Variants in GAA observed in about 807,000 individuals in gnomAD.
The protein encoded by GAA is alpha glucosidase, also known as lysosomal alpha-glucosidase.
In GAA, 88 loss-of-function variants were observed where a neutral mutation model predicts 103.9. The observed-to-expected ratio is 0.85, with a 90% CI of 0.71 to 1.01. The LOEUF (loss-of-function observed/expected upper bound fraction) is 1.01. Among genes scored for constraint, GAA ranks in the 50% least tolerant of loss-of-function variants. The pLI is 0.00. For synonymous variants in GAA, 572 were observed against 563.1 expected, an observed-to-expected ratio of 1.02 and a Z score of -0.22; for missense variants, 1,350 against 1,305.3, an observed-to-expected ratio of 1.03 and a Z score of -0.53.
rs200007324 is a variant in GAA at position 80,109,950 on chromosome 17, T to C, written c.1332T>C (p.Pro444=). Residue 444 remains proline, a synonymous_variant, in exon 9 of 20, where the codon CCT becomes CCC. Transcript: ENST00000302262. ...GGRRYMMIVD[P]AISSSGPAGS... ...ACAGGTTTCCCTCTTCCCAGGATCCTGCCATCAGCAGCTCGGGCCCTGCCG... is the reference window on the plus strand; with the variant it reads ...ACAGGTTTCCCTCTTCCCAGGATCCCGCCATCAGCAGCTCGGGCCCTGCCG... The C allele has an allele frequency of 3.8e-4, 619 of 1,613,036 alleles. 2 individuals are homozygous for C. In the East Asian group the frequency reaches 0.011, roughly 28 times the overall value.
chr17:80,118,158 G>A, intron 17 of GAA, 35 bp from the exon 18 acceptor site: 1 of 1,610,956 alleles, frequency 6.2e-7, no homozygotes, highest in Non-Finnish European at 8.5e-7. Flanking sequence ...CCACCAGGGT[G>A]GGGATGATGA....
intron 16 of GAA, 89 bp from the exon 17 acceptor site, chr17:80,117,511 G>C: frequency 6.7e-7 from 1 of 1,500,684 alleles, no homozygotes; most frequent in Non-Finnish European, 9.3e-7. Flanking sequence ...CCTCCACGTG[G>C]AGCCCCGGGA....
At position 80,105,869 on chromosome 17, in the gene GAA, C is replaced by A. The variant is rs886043961; in HGVS notation, c.667C>A (p.Arg223Ser). The change falls in exon 3 of 20, where the codon CGC becomes AGC. Residue 223 changes from arginine to serine, a missense_variant. Arg to Ser is a moderately radical substitution (Grantham distance 110, BLOSUM62 -1). Coordinates refer to ENST00000302262, the MANE Select transcript of GAA (RefSeq NM_000152.5). ...CGAGGAGCCCTTCGGGGTGATCGTG[C>A]GCCGGCAGCTGGACGGCCGCGTGCT... ...FSEEPFGVIV[R>S]RQLDGRVLLN... 1 of 1,603,674 alleles carries A rather than the reference C, an allele frequency of 6.2e-7. No homozygotes were observed. Among genetic ancestry groups the A allele is most frequent in the Non-Finnish European group, 8.5e-7 (1 of 1,177,604 alleles).
chr17:80,109,891 G>A, intron 8 of GAA, 54 bp from the exon 9 acceptor site: 2 of 1,358,582 alleles, frequency 1.5e-6, no homozygotes, highest in South Asian at 2.4e-5. Context: ...TTTCCCCGTG[G>A]CTGGCGCCAG....
At chr17:80,108,457 C>T (rs1208926414) in intron 6 of GAA, 32 bp from the exon 7 acceptor site, 2 of 1,613,196 alleles carry the variant, frequency 1.2e-6, no homozygotes, top group African/African-American at 2.7e-5. Flanking sequence ...GCTCCCTCCT[C>T]CCTCCCTCAT....
intron 18 of GAA, 127 bp downstream of exon 18, chr17:80,118,484 G>T: frequency 7.0e-7 from 1 of 1,421,182 alleles, no homozygotes. Flanking sequence ...AGGTGGCCTG[G>T]GGTCCTAGAG....
chr17:80,118,175 G>A lies in GAA; in HGVS notation c.2482-18G>A, dbSNP rs757911622. Reference sequence around the variant, plus strand: ...ACCAGGGTGGGGATGATGACATCACGTGTCCTTCCCTTTCCAGGGCCCTGG... The same window carrying A: ...ACCAGGGTGGGGATGATGACATCACATGTCCTTCCCTTTCCAGGGCCCTGG... On this transcript the variant is annotated intron_variant, in intron 17 of 19. Coordinates refer to ENST00000302262, the MANE Select transcript of GAA (RefSeq NM_000152.5). 2.6e-5 allele frequency: 42 copies of A among 1,612,366 alleles called. No individual in the cohort carries two copies. The highest frequency in any genetic ancestry group is 2.4e-4 in the African/African-American group (18 of 74,942).
rs776487269 is a variant in GAA at position 80,118,255 on chromosome 17, C to T, written c.2544C>T (p.Thr848=). The T allele has an allele frequency of 1.4e-5, 22 of 1,611,686 alleles. No homozygotes were observed. Among genetic ancestry groups the T allele is most frequent in the Non-Finnish European group, 1.8e-5 (21 of 1,178,940 alleles). ...CCATGGCCCTGGCTGTGGCCCTGAC[C>T]AAGGGTGGGGAGGCCCGAGGGGAGC... The part of the protein sequence containing the change: ...QQPMALAVAL[T]KGGEARGELF... The change falls in exon 18 of 20, where the codon ACC becomes ACT. Residue 848 remains threonine (T), a synonymous_variant. Coordinates refer to ENST00000302262, the MANE Select transcript of GAA (RefSeq NM_000152.5).
rs566609204 is a variant in GAA, at chr17:80,119,674, G to A, written c.*343G>A. On this transcript the variant is annotated 3_prime_UTR_variant, in exon 20 of 20. Transcript: ENST00000302262. ...ATCTGTTCCCAGCACCGGAGAAGGG[G>A]GTGCTCAGGTGGAGGTGTGGGGTAT... The A allele has an allele frequency of 2.8e-6, 1 of 360,266 alleles. No homozygotes were observed. The highest frequency in any genetic ancestry group is 3.8e-5 in the Admixed American group (1 of 26,426). The allele number at this position is 360,266 out of a possible 1,614,324, so 22.3% of individuals were successfully genotyped here.
rs145362066 is a variant in GAA, at chr17:80,103,671, T to C, written c.-32-884T>C. ...GCACGCGACATCCTTGTTGTGTCTG[T>C]ACCCGAGGCTCCAGGTGCAGCCACT... On this transcript the variant is annotated intron_variant, in intron 1 of 19. Coordinates refer to ENST00000302262, the MANE Select transcript of GAA (RefSeq NM_000152.5). 9.8e-3 allele frequency among the ~76,000 whole-genome samples: 1,494 copies of C among 152,294 alleles called. 22 individuals are homozygous for C. The highest frequency in any genetic ancestry group is 0.034 in the African/African-American group (1,415 of 41,534).
chr17:80,112,481 C>T, intron 12 of GAA, 97 bp from the exon 13 acceptor site: 2 of 1,495,024 alleles, frequency 1.3e-6, no homozygotes, highest in Non-Finnish European at 1.8e-6. Context: ...CTGCCTCATC[C>T]CAGAAAGCTC....
intron 15 of GAA, 153 bp from the exon 16 acceptor site, chr17:80,116,815 C>T: frequency 1.3e-6 from 1 of 769,542 alleles, no homozygotes; most frequent in Non-Finnish European, 2.2e-6. Flanking sequence ...TGGAATCATC[C>T]CTGCCCGTCT....
In GAA at chr17:80,108,504, C is replaced by T. The variant is rs769811240; in HGVS notation, c.1091C>T (p.Pro364Leu). 1.2e-6 allele frequency: 2 copies of T among 1,613,138 alleles called. No homozygotes were observed. The highest frequency in any genetic ancestry group is 1.7e-6 in the Non-Finnish European group (2 of 1,179,996). Residue 364 changes from proline (P) to leucine (L), a missense_variant, in exon 7 of 20, where the codon CCG (proline) becomes CTG (leucine). Physicochemically the swap from Pro to Leu is moderately conservative, Grantham distance 98. Coordinates refer to ENST00000302262, the MANE Select transcript of GAA (RefSeq NM_000152.5). ...YLDVVGYPFM[P>L]PYWGLGFHLC... The stretch of plus-strand genomic sequence containing the variant: ...TGGCCTGCAGGATACCCGTTCATGC[C>T]GCCATACTGGGGCCTGGGCTTCCAC...
rs181867961 is a variant in GAA, at chr17:80,115,682, G to A, written c.2190-1286G>A. Among the ~76,000 whole-genome samples, 72 of 152,220 alleles carry A rather than the reference G, an allele frequency of 4.7e-4. 3 individuals carry two copies. In the East Asian group the frequency reaches 8.3e-3, roughly 18 times the overall value. On this transcript the variant is annotated intron_variant, in intron 15 of 19. Transcript: ENST00000302262. ...TTGTTTCAGACTGGACATTTTAAACGCAGCTGCTGTGGTCATCAGATTCCC... is the reference window on the plus strand; with the variant it reads ...TTGTTTCAGACTGGACATTTTAAACACAGCTGCTGTGGTCATCAGATTCCC...
chr17:80,110,196 C>A lies in GAA; in HGVS notation c.1437+141C>A, dbSNP rs935282581. 3.9e-5 allele frequency: 26 copies of A among 670,518 alleles called. No homozygotes were observed. The Admixed American group carries it at 4.8e-4, about 12-fold the overall frequency. The allele number at this position is 670,518 out of a possible 1,614,324, so 41.5% of individuals were successfully genotyped here. Reference sequence around the variant, plus strand: ...GCTGAGAGGAATGGGCCACAGTGGCCCGTGACGATGGTGGCTCCTACAAGG... The same window carrying A: ...GCTGAGAGGAATGGGCCACAGTGGCACGTGACGATGGTGGCTCCTACAAGG... On this transcript the variant is annotated intron_variant, in intron 9 of 19. Transcript: ENST00000302262.
At chr17:80,118,555 T>A in intron 18 of GAA, 98 bp from the exon 19 acceptor site, 1 of 1,486,308 alleles carries the variant, frequency 6.7e-7, no homozygotes, top group Non-Finnish European at 9.3e-7. Context: ...ACCTCCCTGA[T>A]GCCATCATGA....
intron 15 of GAA, among the ~76,000 whole-genome samples, chr17:80,114,145 A>G (rs933178562): frequency 6.6e-6 from 1 of 152,114 alleles, no homozygotes; most frequent in African/African-American, 2.4e-5. Context: ...AAAAATGTAA[A>G]TCTCTGAATA....
At chr17:80,116,489 G>T (rs1242168854) in intron 15 of GAA, among the ~76,000 whole-genome samples, 3 of 152,244 alleles carry the variant, frequency 2.0e-5, no homozygotes, top group African/African-American at 7.2e-5. Flanking sequence ...GACAGTCTCC[G>T]TTAGACGGAG....
chr17:80,118,160 G>A, intron 17 of GAA, 33 bp from the exon 18 acceptor site: 1 of 1,611,216 alleles, frequency 6.2e-7, no homozygotes, highest in African/African-American at 1.3e-5. Flanking sequence ...ACCAGGGTGG[G>A]GATGATGACA....
Sources: gnomAD v4.1 joint callset for allele counts (sites outside exome capture counted in the v4.1 genomes callset) on GRCh38, gnomAD v4.1.1 for gene constraint, MANE v1.5 for transcripts, NCBI Gene and HGNC (gene_info 2026-07-23, HGNC 2026-07-21) for gene names.